The following DNAJB5 variants were observed in gnomAD, a reference collection of about 807,000 sequenced individuals.
The protein encoded by DNAJB5 is DnaJ heat shock protein family (Hsp40) member B5, also known as dnaJ homolog subfamily B member 5.
A neutral mutation model predicts 32.6 loss-of-function variants in DNAJB5; 12 were observed. The ratio of observed to expected loss-of-function variants is 0.37; its 90% CI spans 0.24 to 0.60. The LOEUF is 0.60. Ranked by LOEUF, DNAJB5 falls within the 20% of genes least tolerant of loss-of-function variation. DNAJB5 has a pLI of 0.71. For synonymous variants in DNAJB5, 188 were observed against 212.9 expected (o/e 0.88, Z 1.02); for missense variants, 358 against 554.2 (o/e 0.65, Z 3.55).
rs71844640 is a variant in DNAJB5 at position 34,991,615 on chromosome 9, A to ACCC, written c.182+810_182+812dup. 5.3e-4 allele frequency: 59 copies of ACCC among 111,050 alleles called. 2 individuals are homozygous for ACCC. The highest frequency in any genetic ancestry group is 1.4e-3 in the African/African-American group (24 of 16,988). The allele number at this position is 111,050 out of a possible 1,614,324, so 6.9% of individuals were successfully genotyped here. On this transcript the variant is annotated intron_variant, in intron 2 of 4. Coordinates refer to ENST00000682809, the MANE Select transcript of DNAJB5 (RefSeq NM_001349723.3). ...TGGGTTGAGGCAGAAATGGCAGACC[A>ACCC]CCCCCCCCCGCTCCCTCTCAGACGG...
Position 34,997,074 on chromosome 9 carries a change from A to G in DNAJB5, c.1078A>G (p.Ile360Val). The change falls in exon 5 of 5, where the codon ATC becomes GTC. Residue 360 changes from isoleucine to valine, a missense_variant. This residue lies in a region of DNAJB5 where 248 missense variants were observed against 442.6 expected (regional missense o/e 0.56). Transcript: ENST00000682809. The surrounding 1 kb of genome is among the most constrained non-coding windows in gnomAD (Gnocchi z 4.1). ...VNIPTIDGRVIPLPCNDVIKP... is the reference protein window; with the variant it reads ...VNIPTIDGRVVPLPCNDVIKP... ...CATTCCCACTATCGACGGCCGAGTG[A>G]TCCCTTTGCCCTGCAATGATGTCAT... The G allele has an allele frequency of 6.2e-7, 1 of 1,614,088 alleles. No individual in the cohort carries two copies. The highest frequency in any genetic ancestry group is 8.5e-7 in the Non-Finnish European group (1 of 1,180,028).
At position 34,989,778 on chromosome 9, in the gene DNAJB5, G is replaced by A; in HGVS notation, c.-186G>A. The A allele has an allele frequency of 3.2e-6, 4 of 1,231,472 alleles. No homozygotes were observed. The highest frequency in any genetic ancestry group is 4.0e-6 in the Non-Finnish European group (4 of 987,672). 76.3% of individuals were successfully genotyped at this position (1,231,472 alleles called of 1,614,324 possible). A position where few individuals can be genotyped will look rare whatever the true frequency, so the allele number is the denominator to read the frequency against. ...TGGAGGCGGCGGAGCCGGAGCCGGG[G>A]GAGGGGGCAGCGGCTGTCTCACGGA... is the stretch of plus-strand genomic sequence containing the variant. On this transcript the variant is annotated 5_prime_UTR_variant, in exon 1 of 5. Coordinates refer to ENST00000682809, the MANE Select transcript of DNAJB5 (RefSeq NM_001349723.3).
At position 34,996,668 on chromosome 9, in the gene DNAJB5, C is replaced by T; in HGVS notation, c.831C>T (p.Arg277=). 6.2e-7 allele frequency: 1 copy of T among 1,614,136 alleles called. No homozygotes were observed. Among genetic ancestry groups the T allele is most frequent in the Non-Finnish European group, 8.5e-7 (1 of 1,180,030 alleles). The change falls in exon 4 of 5, where the codon CGC becomes CGT. Residue 277 remains arginine (R), a synonymous_variant. Transcript: ENST00000682809. This position sits in a 1 kb window ranked among gnomAD's most constrained non-coding sequence, Gnocchi z 7.2. ...RRLNPDGRTV[R]TEDKILHIVI... Reference sequence around the variant, plus strand: ...TCAACCCTGATGGGCGAACTGTGCGCACCGAGGACAAGATCCTGCACATAG... The same window carrying T: ...TCAACCCTGATGGGCGAACTGTGCGTACCGAGGACAAGATCCTGCACATAG...
In DNAJB5 at chr9:34,997,844, G is replaced by A. The variant is rs138273629; in HGVS notation, c.*585G>A. 66 of 202,800 alleles carry A rather than the reference G, an allele frequency of 3.3e-4. No individual in the cohort carries two copies. The East Asian group carries it at 3.7e-3, about 11-fold the overall frequency. 12.6% of individuals were successfully genotyped at this position (202,800 alleles called of 1,614,324 possible). ...AACCTGTGAACAGGGACTTGAGCAC[G>A]AGACACTTTTCATCTGGAGCAGGGG... On this transcript the variant is annotated 3_prime_UTR_variant, in exon 5 of 5. Transcript: ENST00000682809. The surrounding 1 kb of genome is among the most constrained non-coding windows in gnomAD (Gnocchi z 4.1).
Position 34,990,896 on chromosome 9 carries a change from C to A in DNAJB5, c.182+84C>A. 7.2e-7 allele frequency: 1 copy of A among 1,390,218 alleles called. No individual in the cohort carries two copies. The highest frequency in any genetic ancestry group is 9.7e-7 in the Non-Finnish European group (1 of 1,034,592). The allele number at this position is 1,390,218 out of a possible 1,614,324, so 86.1% of individuals were successfully genotyped here. On this transcript the variant is annotated intron_variant, in intron 2 of 4. Transcript: ENST00000682809. The surrounding 1 kb of genome is among the most constrained non-coding windows in gnomAD (Gnocchi z 4.5). ...CATCCCCTCCATTGCCTTCCTGCTT[C>A]CTCCAACTCATCCTCATCCCCTCTG...
chr9:34,992,857 C>T (rs1287595429), intron 2 of DNAJB5: 9 of 1,111,468 alleles, frequency 8.1e-6, no homozygotes, highest in Non-Finnish European at 9.9e-6. Flanking sequence ...GTGTGGGTCG[C>T]TCAGTCCATG....
chr9:34,995,513 C>T (rs750292678), intron 3 of DNAJB5, among the ~76,000 whole-genome samples: 5 of 152,174 alleles, frequency 3.3e-5, no homozygotes, highest in African/African-American at 1.2e-4. Context: ...TGGGGTATGG[C>T]GTTTGCTGTT....
In DNAJB5 at chr9:34,990,967, A is replaced by ATAAGGGGTGCAATTC; in HGVS notation, c.182+155_182+156insTAAGGGGTGCAATTC. 1.4e-6 allele frequency: 1 copy of ATAAGGGGTGCAATTC among 713,404 alleles called. No individual in the cohort carries two copies. Among genetic ancestry groups the ATAAGGGGTGCAATTC allele is most frequent in the Non-Finnish European group, 2.3e-6 (1 of 440,110 alleles). The allele number at this position is 713,404 out of a possible 1,614,324, so 44.2% of individuals were successfully genotyped here. A position where few individuals can be genotyped will look rare whatever the true frequency, so the allele number is the denominator to read the frequency against. ...CCGGCCTCACCCACATATTTGAATGAATTGCACCCCTTATCATTCCTTTTC... is the reference window on the plus strand; with the variant it reads ...CCGGCCTCACCCACATATTTGAATGATAAGGGGTGCAATTCATTGCACCCCTTATCATTCCTTTTC... On this transcript the variant is annotated intron_variant, in intron 2 of 4. Transcript: ENST00000682809. The surrounding 1 kb of genome is among the most constrained non-coding windows in gnomAD (Gnocchi z 4.5).
chr9:34,993,419 C>T lies in DNAJB5; in HGVS notation c.402C>T (p.Gly134=). 1 of 1,613,242 alleles carries T rather than the reference C, an allele frequency of 6.2e-7. No individual in the cohort carries two copies. The highest frequency in any genetic ancestry group is 8.5e-7 in the Non-Finnish European group (1 of 1,179,838). ...YDVLSDPKKR[G]LYDQYGEEGL... is the part of the protein sequence containing the mutation. Reference sequence around the variant, plus strand: ...TGCTAAGTGACCCCAAGAAACGGGGCCTGTATGACCAGTATGGGGAGGAAG... The same window carrying T: ...TGCTAAGTGACCCCAAGAAACGGGGTCTGTATGACCAGTATGGGGAGGAAG... The change falls in exon 3 of 5, where the codon GGC becomes GGT. Residue 134 remains glycine (G), a synonymous_variant. Coordinates refer to ENST00000682809, the MANE Select transcript of DNAJB5 (RefSeq NM_001349723.3). This position sits in a 1 kb window ranked among gnomAD's most constrained non-coding sequence, Gnocchi z 4.7.
intron 3 of DNAJB5, among the ~76,000 whole-genome samples, chr9:34,994,017 C>G (rs910537364): frequency 1.3e-5 from 2 of 152,186 alleles, no homozygotes; most frequent in Non-Finnish European, 2.9e-5. Flanking sequence ...CTTCCCCCTT[C>G]CCTGGGGTAG....
At chr9:34,991,780 C>T in intron 2 of DNAJB5, 1 of 216,926 alleles carries the variant, frequency 4.6e-6, no homozygotes, top group South Asian at 5.6e-5. Flanking sequence ...GGAGTACCCG[C>T]CTTTGTGGAG....
At position 34,993,066 on chromosome 9, in the gene DNAJB5, G is replaced by C. The variant is rs1291205155; in HGVS notation, c.183-134G>C. 6 of 1,445,724 alleles carry C rather than the reference G, an allele frequency of 4.2e-6. No individual in the cohort carries two copies. Among genetic ancestry groups the C allele is most frequent in the Non-Finnish European group, 5.4e-6 (6 of 1,104,940 alleles). The allele number at this position is 1,445,724 out of a possible 1,614,324, so 89.6% of individuals were successfully genotyped here. ...TCCAAACCTTTCATTTTACAGATGGGGGGACGCAGGCCCACAGAACAGGCA... is the reference window on the plus strand; with the variant it reads ...TCCAAACCTTTCATTTTACAGATGGCGGGACGCAGGCCCACAGAACAGGCA... On this transcript the variant is annotated intron_variant, in intron 2 of 4. Coordinates refer to ENST00000682809, the MANE Select transcript of DNAJB5 (RefSeq NM_001349723.3). The surrounding 1 kb of genome is among the most constrained non-coding windows in gnomAD (Gnocchi z 4.7).
intron 3 of DNAJB5, among the ~76,000 whole-genome samples, chr9:34,994,103 A>T (rs2132979954): frequency 6.6e-6 from 1 of 152,188 alleles, no homozygotes; most frequent in South Asian, 2.1e-4. Context: ...AGCACATCCC[A>T]CGGCCATGAT....
rs1827590199 is a variant in DNAJB5, at chr9:34,990,369, AAC to A, written c.-132-125_-132-124del. ...ACAGGTATACACGCTGCCACTCACAAACACACGCTTGCACTCCCAGCCTCACT... is the reference window on the plus strand; with the variant it reads ...ACAGGTATACACGCTGCCACTCACAAACACGCTTGCACTCCCAGCCTCACT... On this transcript the variant is annotated intron_variant, in intron 1 of 4. Transcript: ENST00000682809. This position sits in a 1 kb window ranked among gnomAD's most constrained non-coding sequence, Gnocchi z 4.5. 4.0e-6 allele frequency: 6 copies of A among 1,509,912 alleles called. No individual in the cohort carries two copies. The highest frequency in any genetic ancestry group is 1.4e-5 in the African/African-American group (1 of 72,588). 93.5% of individuals were successfully genotyped at this position (1,509,912 alleles called of 1,614,324 possible). A position where few individuals can be genotyped will look rare whatever the true frequency, so the allele number is the denominator to read the frequency against.
chr9:34,998,831 T>C (rs1240053874), downstream of DNAJB5: 2 of 149,402 alleles, frequency 1.3e-5, no homozygotes, highest in Non-Finnish European at 3.0e-5. Context: ...TTTTTTTTTT[T>C]TGACACGGAG....
At chr9:34,992,784 G>C (rs1827689265) in intron 2 of DNAJB5, 1 of 1,015,044 alleles carries the variant, frequency 9.9e-7, no homozygotes, top group Non-Finnish European at 1.2e-6. Flanking sequence ...CCTGAGGCGT[G>C]GCGTAGGAGA....
In DNAJB5 at chr9:34,996,217, T is replaced by A. The variant is rs200215368; in HGVS notation, c.428-48T>A. On this transcript the variant is annotated intron_variant, in intron 3 of 4. Coordinates refer to ENST00000682809, the MANE Select transcript of DNAJB5 (RefSeq NM_001349723.3). The surrounding 1 kb of genome is among the most constrained non-coding windows in gnomAD (Gnocchi z 7.2). The stretch of plus-strand genomic sequence containing the variant: ...AGAGGGCAGGGGGAAGACACTGGGA[T>A]TGGGGCCAGAATAAGCCACACTGCC... 1.9e-6 allele frequency: 3 copies of A among 1,571,568 alleles called. No individual in the cohort carries two copies. The highest frequency in any genetic ancestry group is 1.7e-4 in the Middle Eastern group (1 of 5,722).
At chr9:34,992,362 A>G (rs1368159690) in intron 2 of DNAJB5, 2 of 152,152 alleles carry the variant, frequency 1.3e-5, no homozygotes, top group African/African-American at 4.8e-5. Flanking sequence ...TTAGTGCCCA[A>G]TTGTCTCCTA....
At position 34,990,683 on chromosome 9, in the gene DNAJB5, A is replaced by C; in HGVS notation, c.53A>C (p.Gln18Pro). 6.4e-7 allele frequency: 1 copy of C among 1,551,704 alleles called. No individual in the cohort carries two copies. The highest frequency in any genetic ancestry group is 8.7e-7 in the Non-Finnish European group (1 of 1,146,980). The change falls in exon 2 of 5, where the codon CAG becomes CCG. Residue 18 changes from glutamine (Q) to proline (P), a missense_variant. Gln to Pro is a moderately conservative substitution (Grantham distance 76). Around this residue, in one of 2 missense-constraint regions of DNAJB5, gnomAD observed 110 missense variants for 111.7 expected, o/e 0.99. Coordinates refer to ENST00000682809, the MANE Select transcript of DNAJB5 (RefSeq NM_001349723.3). This position sits in a 1 kb window ranked among gnomAD's most constrained non-coding sequence, Gnocchi z 4.5. ...SCPPPAAPPL[Q>P]ARGAFRSFPH... is the part of the protein sequence containing the mutation. The stretch of plus-strand genomic sequence containing the variant: ...CCACCCCCAGCAGCACCCCCACTGC[A>C]GGCCCGAGGAGCTTTCCGGAGCTTC...
Sources: gnomAD v4.1 joint callset for allele counts (sites outside exome capture counted in the v4.1 genomes callset) on GRCh38, gnomAD v4.1.1 for gene constraint, gnomAD v4.1.1 regional missense constraint, Gnocchi (gnomAD v3.1) non-coding constraint, MANE v1.5 for transcripts, NCBI Gene and HGNC (gene_info 2026-07-23, HGNC 2026-07-21) for gene names.